BMP7: variants seen among roughly 807,000 people sequenced by gnomAD.
The protein encoded by BMP7 is osteogenic protein 1.
BMP7 carries 12 observed loss-of-function variants against 41.2 expected under a neutral mutation model. That is an observed-to-expected ratio of 0.29 (90% CI 0.19 to 0.47). The LOEUF is 0.47. BMP7 is among the 20% of genes least tolerant of loss of function. The pLI is 0.99. For synonymous variants in BMP7, 248 were observed against 250.0 expected, an observed-to-expected ratio of 0.99 and a Z score of 0.07; for missense variants, 467 against 606.0, an observed-to-expected ratio of 0.77 and a Z score of 2.41.
Position 57,259,417 on chromosome 20 carries a change from T to C in BMP7, c.418+6288A>G, listed in dbSNP as rs1179933433. Among the ~76,000 whole-genome samples the C allele has an allele frequency of 4.6e-5, 7 of 152,368 alleles. No individual in the cohort carries two copies. The East Asian group carries it at 1.3e-3, about 29-fold the overall frequency. On this transcript the variant is annotated intron_variant, in intron 1 of 6. Coordinates refer to ENST00000395863, the MANE Select transcript of BMP7 (RefSeq NM_001719.3). The surrounding 1 kb of genome is among the most constrained non-coding windows in gnomAD (Gnocchi z 4.7). ...GGAAGGAAATTGGAAACACAGTTTA[T>C]ACTTGGCCAGCCCTTTGAAATACTG... is the stretch of plus-strand genomic sequence containing the variant.
At chr20:57,210,116 G>A (rs542362643) in intron 2 of BMP7, among the ~76,000 whole-genome samples, 7 of 152,274 alleles carry the variant, frequency 4.6e-5, no homozygotes, top group African/African-American at 1.4e-4. Context: ...CCCAAAAGTC[G>A]TCTTCTCTTC....
chr20:57,219,308 G>GTTTGTTTGGT, intron 2 of BMP7, among the ~76,000 whole-genome samples: 1 of 151,592 alleles, frequency 6.6e-6, no homozygotes, highest in African/African-American at 2.4e-5. Flanking sequence ...CAAGGTAAGT[G>GTTTGTTTGGT]GGAAGGTGGG....
intron 1 of BMP7, among the ~76,000 whole-genome samples, chr20:57,243,362 C>T (rs1388814810): frequency 6.6e-6 from 1 of 151,964 alleles, no homozygotes; most frequent in Non-Finnish European, 1.5e-5. Context: ...TCCTGTTCTC[C>T]CAGCTACTCA....
At chr20:57,211,422 A>G (rs1984881269) in intron 2 of BMP7, among the ~76,000 whole-genome samples, 1 of 150,806 alleles carries the variant, frequency 6.6e-6, no homozygotes, top group Non-Finnish European at 1.5e-5. Context: ...CAGGCCCACC[A>G]TCAAAAAAAA....
intron 4 of BMP7, among the ~76,000 whole-genome samples, chr20:57,181,480 C>T (rs1440100853): frequency 1.9e-4 from 26 of 138,858 alleles, no homozygotes; most frequent in African/African-American, 4.1e-4. Flanking sequence ...TGGGCAATGG[C>T]GTGAGACCCT....
intron 2 of BMP7, among the ~76,000 whole-genome samples, chr20:57,217,380 A>G (rs1985058082): frequency 6.6e-6 from 1 of 152,206 alleles, no homozygotes; most frequent in African/African-American, 2.4e-5. Flanking sequence ...AGGCTCTTAT[A>G]ATCTCATTTC....
chr20:57,249,566 C>A (rs2066104161), intron 1 of BMP7, among the ~76,000 whole-genome samples: 1 of 152,094 alleles, frequency 6.6e-6, no homozygotes, highest in Non-Finnish European at 1.5e-5. Flanking sequence ...GGATTCTTTT[C>A]AAAATCTATG....
At chr20:57,202,232 A>T (rs1026613995) in intron 3 of BMP7, among the ~76,000 whole-genome samples, 2 of 152,024 alleles carry the variant, frequency 1.3e-5, no homozygotes, top group African/African-American at 4.8e-5. Flanking sequence ...ACCCCTGCTG[A>T]TATGGGACCA....
At chr20:57,188,181 C>G (rs1162819750) in intron 3 of BMP7, among the ~76,000 whole-genome samples, 1 of 151,938 alleles carries the variant, frequency 6.6e-6, no homozygotes, top group East Asian at 1.9e-4. Context: ...TTATGATGGC[C>G]AAAAAGTGGA....
At chr20:57,218,435 G>GTGTT (rs77029735) in intron 2 of BMP7, among the ~76,000 whole-genome samples, 49 of 32,274 alleles carry the variant, frequency 1.5e-3, no homozygotes, top group Middle Eastern at 0.016. Flanking sequence ...GTGGTAGCTG[G>GTGTT]TGTTTGGTGG....
At chr20:57,194,848 C>T (rs997323650) in intron 3 of BMP7, among the ~76,000 whole-genome samples, 1 of 152,184 alleles carries the variant, frequency 6.6e-6, no homozygotes, top group African/African-American at 2.4e-5. Context: ...CTGGCCCAGC[C>T]GACTGGAGCC....
intron 4 of BMP7, 32 bp downstream of exon 4, chr20:57,183,685 CTGTGG>C: frequency 6.2e-7 from 1 of 1,612,614 alleles, no homozygotes; most frequent in Non-Finnish European, 8.5e-7. Flanking sequence ...TGCTGGGTTC[CTGTGG>C]TGGGTCTGTG....
chr20:57,256,082 T>C (rs1459599091), intron 1 of BMP7, among the ~76,000 whole-genome samples: 1 of 152,204 alleles, frequency 6.6e-6, no homozygotes, highest in Admixed American at 6.5e-5. Context: ...AGAGATGTTA[T>C]TGTTGTTGAA....
chr20:57,212,040 C>T (rs146492875), intron 2 of BMP7, among the ~76,000 whole-genome samples: 9 of 152,300 alleles, frequency 5.9e-5, no homozygotes, highest in African/African-American at 1.7e-4. Context: ...AGAGACACAG[C>T]GGCAGCCAGA....
At chr20:57,240,355 A>G (rs916959043) in intron 1 of BMP7, among the ~76,000 whole-genome samples, 3 of 152,196 alleles carry the variant, frequency 2.0e-5, no homozygotes, top group Non-Finnish European at 2.9e-5. Flanking sequence ...CCTTATCTCT[A>G]TCTGAGACCA....
intron 5 of BMP7, chr20:57,173,556 G>C (rs1313634222): frequency 1.9e-5 from 11 of 590,468 alleles, no homozygotes; most frequent in Non-Finnish European, 3.3e-5. Context: ...AGTAGACTGA[G>C]TGGGAAGACG....
chr20:57,188,942 G>A (rs547107438), intron 3 of BMP7, among the ~76,000 whole-genome samples: 2 of 152,164 alleles, frequency 1.3e-5, no homozygotes, highest in Non-Finnish European at 2.9e-5. Flanking sequence ...TCTCTGCCAC[G>A]ACAACCACAA....
chr20:57,216,217 G>A (rs1985015070), intron 2 of BMP7, among the ~76,000 whole-genome samples: 1 of 152,156 alleles, frequency 6.6e-6, no homozygotes, highest in East Asian at 1.9e-4. Flanking sequence ...CTGTGCCGGT[G>A]CCAAAGCTGC....
chr20:57,212,352 C>A (rs1984911585), intron 2 of BMP7, among the ~76,000 whole-genome samples: 1 of 152,210 alleles, frequency 6.6e-6, no homozygotes, highest in Non-Finnish European at 1.5e-5. Flanking sequence ...TGCACGATGT[C>A]CCCTGCAGGG....
Sources: allele counts gnomAD v4.1 joint callset (sites outside exome capture counted in the v4.1 genomes callset), GRCh38; gene constraint gnomAD v4.1.1; non-coding constraint Gnocchi (gnomAD v3.1); transcripts MANE v1.5; gene names NCBI Gene and HGNC (gene_info 2026-07-23, HGNC 2026-07-21).